ERC1: variants seen among roughly 807,000 people sequenced by gnomAD.
ERC1 encodes RAB6 interacting protein 2.
A neutral mutation model predicts 132.0 loss-of-function variants in ERC1; 56 were observed. The observed-to-expected ratio is 0.42, with a 90% CI of 0.34 to 0.53. ERC1 has a LOEUF of 0.53. Ranked by LOEUF, ERC1 falls within the 20% of genes least tolerant of loss-of-function variation. The probability of loss-of-function intolerance (pLI) is 0.03; values close to 1 mark genes in which losing one functional copy is unlikely to be tolerated. For synonymous variants in ERC1, 478 were observed against 476.1 expected (o/e 1.00, Z -0.05); for missense variants, 1,202 against 1,349.9 (o/e 0.89, Z 1.72).
chr12:1,211,716 C>T (rs923365233), intron 12 of ERC1, among the ~76,000 whole-genome samples: 1 of 151,640 alleles, frequency 6.6e-6, no homozygotes, highest in African/African-American at 2.4e-5. Flanking sequence ...CTCACCACCA[C>T]GCCCAGCTAA....
At chr12:999,376 G>A (rs1021098501) in intron 1 of ERC1, among the ~76,000 whole-genome samples, 10 of 152,102 alleles carry the variant, frequency 6.6e-5, no homozygotes, top group Non-Finnish European at 1.5e-5. Flanking sequence ...CATCCAGAAC[G>A]GAATGTATGA....
intron 14 of ERC1, 113 bp downstream of exon 14, chr12:1,263,278 C>T: frequency 9.9e-7 from 1 of 1,009,812 alleles, no homozygotes; most frequent in Non-Finnish European, 1.4e-6. Flanking sequence ...GTTTCAAAAA[C>T]ACTTCATAGA....
chr12:1,144,915 A>G (rs1394522673), intron 8 of ERC1, among the ~76,000 whole-genome samples: 3 of 152,032 alleles, frequency 2.0e-5, no homozygotes. Context: ...CAGCAGTGTA[A>G]AAATGTTCCC....
chr12:1,479,102 T>C (rs2094034344), intron 18 of ERC1, among the ~76,000 whole-genome samples: 1 of 152,152 alleles, frequency 6.6e-6, no homozygotes, highest in African/African-American at 2.4e-5. Flanking sequence ...GCCATATACG[T>C]GTAGGGTTTT....
At chr12:1,485,702 A>G (rs567289529) in intron 18 of ERC1, among the ~76,000 whole-genome samples, 1 of 151,294 alleles carries the variant, frequency 6.6e-6, no homozygotes, top group African/African-American at 2.4e-5. Context: ...TCAAGCCGTC[A>G]TTTGTACTTC....
Position 1,455,531 on chromosome 12 carries a change from T to C in ERC1, c.3213+10781T>C, listed in dbSNP as rs187169599. 2.0e-5 allele frequency among the ~76,000 whole-genome samples: 3 copies of C among 152,312 alleles called. No homozygotes were observed. In the East Asian group the frequency reaches 5.8e-4, roughly 29 times the overall value. ...GCACTGCGCTTAGAATTTCTCCTCA[T>C]GTATAAGATGTGCTGGTTGCACCGC... On this transcript the variant is annotated intron_variant, in intron 18 of 18. Coordinates refer to ENST00000360905, the MANE Select transcript of ERC1 (RefSeq NM_178040.4).
At chr12:1,228,056 T>C (rs1274669043) in intron 12 of ERC1, among the ~76,000 whole-genome samples, 2 of 152,224 alleles carry the variant, frequency 1.3e-5, no homozygotes, top group East Asian at 1.9e-4. Context: ...ATTTGTAACA[T>C]AGTTTGAAAT....
At chr12:1,000,055 C>G (rs1961888256) in intron 1 of ERC1, among the ~76,000 whole-genome samples, 1 of 152,144 alleles carries the variant, frequency 6.6e-6, no homozygotes, top group Non-Finnish European at 1.5e-5. Flanking sequence ...AACTAAACAC[C>G]TGTATTCTTT....
intron 1 of ERC1, among the ~76,000 whole-genome samples, chr12:1,002,387 A>G (rs534563893): frequency 2.8e-5 from 4 of 142,114 alleles, no homozygotes; most frequent in South Asian, 2.2e-4. Context: ...GAGTTTTACT[A>G]TGCTGCTCAG....
intron 13 of ERC1, among the ~76,000 whole-genome samples, chr12:1,262,350 C>T (rs2077196069): frequency 6.6e-6 from 1 of 152,178 alleles, no homozygotes; most frequent in African/African-American, 2.4e-5. Flanking sequence ...CAACATTCAC[C>T]TCTCCGGAAG....
At chr12:1,385,728 A>C (rs1310367818) in intron 16 of ERC1, 1 of 152,204 alleles carries the variant, frequency 6.6e-6, no homozygotes, top group Non-Finnish European at 1.5e-5. Flanking sequence ...AATGTTCCCT[A>C]AGCCCGCATT....
chr12:1,112,109 A>C, intron 5 of ERC1, 106 bp from the exon 6 acceptor site: 1 of 721,120 alleles, frequency 1.4e-6, no homozygotes, highest in Non-Finnish European at 2.4e-6. Flanking sequence ...ATTTGATTGT[A>C]TTATATAAGT....
At chr12:1,176,227 T>A (rs1166383321) in intron 8 of ERC1, among the ~76,000 whole-genome samples, 1 of 152,222 alleles carries the variant, frequency 6.6e-6, no homozygotes, top group Non-Finnish European at 1.5e-5. Flanking sequence ...TTAGCAGGCA[T>A]AAGAAAAACA....
At chr12:1,093,951 A>ATG (rs1565949100) in intron 3 of ERC1, among the ~76,000 whole-genome samples, 13 of 62,984 alleles carry the variant, frequency 2.1e-4, no homozygotes, top group Non-Finnish European at 4.0e-4. Flanking sequence ...AAATATATAT[A>ATG]TTTTTCTATA....
At position 1,028,632 on chromosome 12, in the gene ERC1, T is replaced by C; in HGVS notation, c.669+60T>C. ...ATTCATGTATATAAATGAAATAGCC[T>C]TTTTTTCCCCTTTCCTAGATTTTTC... On this transcript the variant is annotated intron_variant, in intron 2 of 18. Transcript: ENST00000360905. The C allele has an allele frequency of 2.3e-6, 3 of 1,315,972 alleles. No homozygotes were observed. The Admixed American group carries it at 6.7e-5, about 29-fold the overall frequency. 81.5% of individuals were successfully genotyped at this position (1,315,972 alleles called of 1,614,324 possible). A position where few individuals can be genotyped will look rare whatever the true frequency, so the allele number is the denominator to read the frequency against.
intron 12 of ERC1, among the ~76,000 whole-genome samples, chr12:1,206,392 G>GAT (rs2154288027): frequency 6.6e-6 from 1 of 152,122 alleles, no homozygotes; most frequent in East Asian, 1.9e-4. Context: ...TGTTAATAGT[G>GAT]ATGCTTAGCT....
At chr12:1,128,748 C>G (rs73039095) in intron 7 of ERC1, among the ~76,000 whole-genome samples, 1 of 151,148 alleles carries the variant, frequency 6.6e-6, no homozygotes, top group Admixed American at 6.6e-5. Flanking sequence ...ATTTAAAACG[C>G]GAGGAAAAAA....
chr12:1,299,018 A>G (rs1203710020), intron 15 of ERC1, among the ~76,000 whole-genome samples: 3 of 152,306 alleles, frequency 2.0e-5, no homozygotes, highest in Admixed American at 1.3e-4. Context: ...GAGCTTCAAA[A>G]TTCATGAAGG....
At chr12:1,184,142 A>AAAAAAAAAAAG (rs1169288905) in intron 11 of ERC1, among the ~76,000 whole-genome samples, 4 of 123,330 alleles carry the variant, frequency 3.2e-5, no homozygotes, top group Non-Finnish European at 8.2e-5. Flanking sequence ...TCTCACAAAA[A>AAAAAAAAAAAG]AAAAAAAAAA....
Sources: allele counts gnomAD v4.1 joint callset (sites outside exome capture counted in the v4.1 genomes callset), GRCh38; gene constraint gnomAD v4.1.1; transcripts MANE v1.5; gene names NCBI Gene and HGNC (gene_info 2026-07-23, HGNC 2026-07-21).